Variants in KRT85 observed in about 807,000 individuals in gnomAD.
KRT85 encodes the protein keratin, type II cuticular Hb5.
In KRT85, 39 loss-of-function variants were observed where a neutral mutation model predicts 53.7. The observed-to-expected ratio is 0.73, with a 90% CI of 0.56 to 0.95. KRT85 has a LOEUF of 0.95. KRT85 is among the 40% of genes least tolerant of loss of function. The probability of loss-of-function intolerance (pLI) is 0.00; values close to 1 mark genes in which losing one functional copy is unlikely to be tolerated. For synonymous variants in KRT85, 291 were observed against 277.5 expected (o/e 1.05, Z -0.48); for missense variants, 668 against 686.0 (o/e 0.97, Z 0.29).
intron 5 of KRT85, 122 bp from the exon 6 acceptor site, chr12:52,363,101 C>G: frequency 1.3e-6 from 2 of 1,551,002 alleles, no homozygotes; most frequent in African/African-American, 2.7e-5. Context: ...GCAGTCCTGC[C>G]CTGCCACTTC....
intron 1 of KRT85, among the ~76,000 whole-genome samples, chr12:52,365,777 AC>A (rs943823903): frequency 7.9e-5 from 12 of 151,998 alleles, no homozygotes; most frequent in Non-Finnish European, 1.5e-4. Flanking sequence ...GGAAATTGAG[AC>A]CCCCAAGGTG....
At position 52,362,276 on chromosome 12, in the gene KRT85, G is replaced by T. The variant is rs369203422; in HGVS notation, c.1273C>A (p.Arg425Ser). ...CTGTGTTCCTCGCCCTCCAGCAGGCGCCTGTAGGTGGCGATCTCGATGTCC... is the reference window on the plus strand; with the variant it reads ...CTGTGTTCCTCGCCCTCCAGCAGGCTCCTGTAGGTGGCGATCTCGATGTCC... ...GLDIEIATYR[R>S]LLEGEEHRLC... The change falls in exon 7 of 9, where the codon CGC (arginine) becomes AGC (serine). Residue 425 changes from arginine (R) to serine (S), a missense_variant. This residue lies in a region of KRT85 where 488 missense variants were observed against 498.1 expected (regional missense o/e 0.98). Coordinates refer to ENST00000257901, the MANE Select transcript of KRT85 (RefSeq NM_002283.4). 1.2e-6 allele frequency: 2 copies of T among 1,614,042 alleles called. No homozygotes were observed. The highest frequency in any genetic ancestry group is 1.7e-5 in the Admixed American group (1 of 60,012).
chr12:52,363,271 T>TCGGCCC lies in KRT85; in HGVS notation c.920_925dup (p.Ala308_Glu309insGlyAla). The TCGGCCC allele has an allele frequency of 6.2e-7, 1 of 1,614,176 alleles. No homozygotes were observed. Among genetic ancestry groups the TCGGCCC allele is most frequent in the East Asian group, 2.2e-5 (1 of 44,884 alleles). On this transcript the variant is annotated inframe_insertion, in exon 5 of 9. Transcript: ENST00000257901. ...CTTGCTACGGTACCAGGACTCAGCC[T>TCGGCCC]CGGCCCGGCTGCGGCTGGCAACATC...
intron 2 of KRT85, among the ~76,000 whole-genome samples, 182 bp downstream of exon 2, chr12:52,364,780 G>C (rs1939247039): frequency 6.6e-6 from 1 of 152,226 alleles, no homozygotes; most frequent in Non-Finnish European, 1.5e-5. Flanking sequence ...GCTCACAGGG[G>C]TGGAGTCTTA....
In KRT85 at chr12:52,362,874, T is replaced by C; in HGVS notation, c.1057A>G (p.Ile353Val). The change falls in exon 6 of 9, where the codon ATT (isoleucine) becomes GTT (valine). Residue 353 changes from isoleucine to valine, a missense_variant. By Grantham distance (29) the Ile-to-Val change is conservative. Transcript: ENST00000257901. ...NRMIQRLTAE[I>V]ENAKCQRAKL... ...CCCACCTGGCACTTGGCATTCTCAA[T>C]CTCGGCCGTCAGCCTCTGGATCATG... The C allele has an allele frequency of 1.2e-6, 2 of 1,614,172 alleles. No individual in the cohort carries two copies. Among genetic ancestry groups the C allele is most frequent in the Non-Finnish European group, 1.7e-6 (2 of 1,180,038 alleles).
At chr12:52,364,528 C>G in intron 2 of KRT85, 162 bp from the exon 3 acceptor site, 1 of 1,495,756 alleles carries the variant, frequency 6.7e-7, no homozygotes, top group Non-Finnish European at 8.9e-7. Flanking sequence ...TGGGCCAGCC[C>G]TTGTCCTAGC....
rs1217761187 is a variant in KRT85 at position 52,362,357 on chromosome 12, C to G, written c.1192G>C (p.Asp398His). Residue 398 changes from aspartate to histidine, a missense_variant, in exon 7 of 9, where the codon GAC becomes CAC. This residue lies in a region of KRT85 where 488 missense variants were observed against 498.1 expected (regional missense o/e 0.98). Transcript: ENST00000257901. Reference protein sequence around the residue: ...LEGALQKAKQDMACLLKEYQE... With the variant: ...LEGALQKAKQHMACLLKEYQE... Reference sequence around the variant, plus strand: ...TACTCCTTGAGCAGGCAGGCCATGTCCTGCTTGGCCTTCTGCAGGGCGCCC... The same window carrying G: ...TACTCCTTGAGCAGGCAGGCCATGTGCTGCTTGGCCTTCTGCAGGGCGCCC... 2.5e-6 allele frequency: 4 copies of G among 1,614,118 alleles called. No homozygotes were observed. The highest frequency in any genetic ancestry group is 3.4e-6 in the Non-Finnish European group (4 of 1,180,040).
In KRT85 at chr12:52,360,706, G is replaced by T. The variant is rs1732246; in HGVS notation, c.*147C>A. 5.3e-3 allele frequency: 4,864 copies of T among 912,764 alleles called. 133 individuals carry two copies. In the African/African-American group the frequency reaches 0.068, roughly 13 times the overall value. 56.5% of individuals were successfully genotyped at this position (912,764 alleles called of 1,614,324 possible). A position where few individuals can be genotyped will look rare whatever the true frequency, so the allele number is the denominator to read the frequency against. On this transcript the variant is annotated 3_prime_UTR_variant, in exon 9 of 9. Transcript: ENST00000257901. The stretch of plus-strand genomic sequence containing the variant: ...ATGAAAAGGCGCAGGGGAGCGGCCC[G>T]AGGGTCTTTCCCTCTGTAGGTCTTT...
At chr12:52,363,905 A>G (rs567519587) in intron 4 of KRT85, among the ~76,000 whole-genome samples, 163 bp downstream of exon 4, 2 of 152,358 alleles carry the variant, frequency 1.3e-5, no homozygotes, top group South Asian at 2.1e-4. Flanking sequence ...GAACGTGGAC[A>G]TGGCCTCTGT....
chr12:52,364,155 G>A lies in KRT85; in HGVS notation c.699C>T (p.Asp233=). Residue 233 remains aspartate, a synonymous_variant, in exon 4 of 9, where the codon GAC becomes GAT. Coordinates refer to ENST00000257901, the MANE Select transcript of KRT85 (RefSeq NM_002283.4). ...NEFVVLKKDV[D]CAYLRKSDLE... Reference sequence around the variant, plus strand: ...GGTCTGATTTCCGCAGGTAGGCACAGTCCACGTCCTGGCCGTGGGACAAAG... The same window carrying A: ...GGTCTGATTTCCGCAGGTAGGCACAATCCACGTCCTGGCCGTGGGACAAAG... 6.2e-7 allele frequency: 1 copy of A among 1,614,190 alleles called. No homozygotes were observed. Among genetic ancestry groups the A allele is most frequent in the Non-Finnish European group, 8.5e-7 (1 of 1,180,014 alleles).
Position 52,363,449 on chromosome 12 carries a change from T to C in KRT85, c.787-39A>G, listed in dbSNP as rs780710780. 5.0e-6 allele frequency: 8 copies of C among 1,612,804 alleles called. No homozygotes were observed. The South Asian group carries it at 8.8e-5, about 18-fold the overall frequency. On this transcript the variant is annotated intron_variant, in intron 4 of 8. Coordinates refer to ENST00000257901, the MANE Select transcript of KRT85 (RefSeq NM_002283.4). ...AGCCAGTGCATTTGCTTCTAGTGCC[T>C]GATCTGGGCCACGTGATCCACCCCA...
chr12:52,362,062 T>C lies in KRT85; in HGVS notation c.1298+189A>G, dbSNP rs192235114. Among the ~76,000 whole-genome samples the C allele has an allele frequency of 1.7e-3, 257 of 152,352 alleles. 3 individuals carry two copies. Among genetic ancestry groups the C allele is most frequent in the South Asian group, 8.5e-3 (41 of 4,828 alleles). Reference sequence around the variant, plus strand: ...AAAAACCATATCTATCTTATTGGATTGTGAGGATTATAAAATAAACACTTA... The same window carrying C: ...AAAAACCATATCTATCTTATTGGATCGTGAGGATTATAAAATAAACACTTA... On this transcript the variant is annotated intron_variant, in intron 7 of 8. Coordinates refer to ENST00000257901, the MANE Select transcript of KRT85 (RefSeq NM_002283.4).
Position 52,364,340 on chromosome 12 carries a change from G to A in KRT85, c.656C>T (p.Ala219Val). The A allele has an allele frequency of 6.2e-7, 1 of 1,614,150 alleles. No individual in the cohort carries two copies. The highest frequency in any genetic ancestry group is 8.5e-7 in the Non-Finnish European group (1 of 1,180,030). ...AACGACAAACTCATTCTCTGCTGTG[G>A]CTCTCAGGGCCACCTCCTCTTCATA... ...KKYEEEVALR[A>V]TAENEFVVLK... Residue 219 changes from alanine to valine, a missense_variant, in exon 3 of 9, where the codon GCC becomes GTC. This residue lies in a region of KRT85 where 488 missense variants were observed against 498.1 expected (regional missense o/e 0.98). Transcript: ENST00000257901.
chr12:52,367,307 G>A lies in KRT85; in HGVS notation c.99C>T (p.Cys33=). The A allele has an allele frequency of 6.2e-7, 1 of 1,613,810 alleles. No individual in the cohort carries two copies. Among genetic ancestry groups the A allele is most frequent in the Non-Finnish European group, 8.5e-7 (1 of 1,179,806 alleles). ...AVAPKTGNRC[C]ISAAPYRGVS... is the part of the protein sequence containing the mutation. ...CCCCTCGGTAGGGGGCGGCGCTGAT[G>A]CAGCAGCGGTTGCCAGTTTTGGGGG... The change falls in exon 1 of 9, where the codon TGC becomes TGT. Residue 33 remains cysteine, a synonymous_variant. Coordinates refer to ENST00000257901, the MANE Select transcript of KRT85 (RefSeq NM_002283.4).
chr12:52,362,320 A>T lies in KRT85; in HGVS notation c.1229T>A (p.Met410Lys). The change falls in exon 7 of 9, where the codon ATG (methionine) becomes AAG (lysine). Residue 410 changes from methionine to lysine, a missense_variant. Coordinates refer to ENST00000257901, the MANE Select transcript of KRT85 (RefSeq NM_002283.4). ...ACLLKEYQEV[M>K]NSKLGLDIEI... ...GATGTCCAGGCCCAGCTTGGAGTTC[A>T]TCACCTCCTGGTACTCCTTGAGCAG... 1 of 1,614,092 alleles carries T rather than the reference A, an allele frequency of 6.2e-7. No homozygotes were observed. The highest frequency in any genetic ancestry group is 8.5e-7 in the Non-Finnish European group (1 of 1,180,008).
In KRT85 at chr12:52,362,974, C is replaced by T. The variant is rs753771173; in HGVS notation, c.957G>A (p.Glu319=). 5.0e-6 allele frequency: 8 copies of T among 1,614,156 alleles called. No individual in the cohort carries two copies. Among genetic ancestry groups the T allele is most frequent in the Non-Finnish European group, 6.8e-6 (8 of 1,180,030 alleles). ...GCCTGATCACCGTGGCCTTCATCTC[C>T]TCACACTGGAGGAAGTAGAGATGCT... The part of the protein sequence containing the change: ...EAESWYRSKC[E]EMKATVIRHG... The change falls in exon 6 of 9, where the codon GAG becomes GAA. Residue 319 remains glutamate, a synonymous_variant. Coordinates refer to ENST00000257901, the MANE Select transcript of KRT85 (RefSeq NM_002283.4).
intron 6 of KRT85, 148 bp downstream of exon 6, chr12:52,362,706 G>A: frequency 7.3e-7 from 1 of 1,367,476 alleles, no homozygotes; most frequent in South Asian, 1.2e-5. Flanking sequence ...TTGGAAGTCA[G>A]TGACATGGTC....
Position 52,360,516 on chromosome 12 carries a change from T to TC in KRT85, c.*336_*337insG. On this transcript the variant is annotated 3_prime_UTR_variant, in exon 9 of 9. Transcript: ENST00000257901. The stretch of plus-strand genomic sequence containing the variant: ...GGCGCCTCCACCCAGAAGGTGGAGC[T>TC]TCCGTGCTGACCACCACGCTGGGGG... 1.2e-5 allele frequency: 4 copies of TC among 346,528 alleles called. No homozygotes were observed. The highest frequency in any genetic ancestry group is 2.7e-5 in the South Asian group (1 of 36,730). 21.5% of individuals were successfully genotyped at this position (346,528 alleles called of 1,614,324 possible).
At position 52,361,064 on chromosome 12, in the gene KRT85, A is replaced by C. The variant is rs755053903; in HGVS notation, c.1331-18T>G. On this transcript the variant is annotated intron_variant, in intron 8 of 8. Coordinates refer to ENST00000257901, the MANE Select transcript of KRT85 (RefSeq NM_002283.4). ...GCTGACACCTGTGGAGAGAGGAGAC[A>C]TGGAGGGGTGAGCAGCTCCCTGCAA... The C allele has an allele frequency of 1.3e-6, 2 of 1,599,980 alleles. No homozygotes were observed. The highest frequency in any genetic ancestry group is 1.7e-5 in the Admixed American group (1 of 57,950).
Sources: gnomAD v4.1 joint callset for allele counts (sites outside exome capture counted in the v4.1 genomes callset) on GRCh38, gnomAD v4.1.1 for gene constraint, gnomAD v4.1.1 regional missense constraint, MANE v1.5 for transcripts, NCBI Gene and HGNC (gene_info 2026-07-23, HGNC 2026-07-21) for gene names.